IGDCC3: variants seen among roughly 807,000 people sequenced by gnomAD.
IGDCC3 encodes putative neuronal cell adhesion molecule.
In IGDCC3, 47 loss-of-function variants were observed where a neutral mutation model predicts 72.0. That is an observed-to-expected ratio of 0.65 (90% CI 0.52 to 0.83). The LOEUF (loss-of-function observed/expected upper bound fraction) is 0.83. Among genes scored for constraint, IGDCC3 ranks in the 40% least tolerant of loss-of-function variants. IGDCC3 has a pLI of 0.00. For synonymous variants in IGDCC3, 477 were observed against 472.8 expected (o/e 1.01, Z -0.11); for missense variants, 1,038 against 1,091.3 (o/e 0.95, Z 0.69).
intron 5 of IGDCC3, among the ~76,000 whole-genome samples, chr15:65,333,949 G>A (rs888600495): frequency 1.3e-5 from 2 of 151,994 alleles, no homozygotes; most frequent in African/African-American, 4.8e-5. Flanking sequence ...CTGATGGTGC[G>A]GCCACTCTTT....
At position 65,375,320 on chromosome 15, in the gene IGDCC3, G is replaced by T; in HGVS notation, c.186C>A (p.Asp62Glu). ...VAVPGQPIVL[D>E]CRVEGTPPVR... Reference sequence around the variant, plus strand: ...CTGGAGGGGTCCCCTCCACCCTGCAGTCCAGCACTATAGGCTGCCCGGGGA... The same window carrying T: ...CTGGAGGGGTCCCCTCCACCCTGCATTCCAGCACTATAGGCTGCCCGGGGA... Residue 62 changes from aspartate to glutamate, a missense_variant, in exon 2 of 14, where the codon GAC becomes GAA. Asp to Glu is a conservative substitution (Grantham distance 45). Transcript: ENST00000327987. 1 of 1,614,078 alleles carries T rather than the reference G, an allele frequency of 6.2e-7. No individual in the cohort carries two copies. The highest frequency in any genetic ancestry group is 1.7e-5 in the Admixed American group (1 of 60,020).
chr15:65,376,264 G>A (rs1366638678), intron 1 of IGDCC3, among the ~76,000 whole-genome samples: 2 of 152,232 alleles, frequency 1.3e-5, no homozygotes, highest in African/African-American at 4.8e-5. Context: ...AAATGAGCAG[G>A]AAAAGAAGGA....
Position 65,328,938 on chromosome 15 carries a change from C to A in IGDCC3, c.2416G>T (p.Val806Phe). Reference protein sequence around the residue: ...GQASRPAAARVTQPAHSEQ With the variant: ...GQASRPAAARFTQPAHSEQ Reference sequence around the variant, plus strand: ...TGTTCCGAGTGAGCTGGCTGGGTAACCCGGGCCGCTGCAGGCCTGGAAGCC... The same window carrying A: ...TGTTCCGAGTGAGCTGGCTGGGTAAACCGGGCCGCTGCAGGCCTGGAAGCC... The change falls in exon 14 of 14, where the codon GTT becomes TTT. Residue 806 changes from valine to phenylalanine, a missense_variant. Physicochemically the swap from Val to Phe is conservative, Grantham distance 50. Transcript: ENST00000327987. The A allele has an allele frequency of 1.3e-6, 2 of 1,560,690 alleles. No individual in the cohort carries two copies. The highest frequency in any genetic ancestry group is 2.4e-5 in the South Asian group (2 of 82,548).
chr15:65,351,533 CAA>C (rs59065889), intron 2 of IGDCC3, among the ~76,000 whole-genome samples: 23 of 106,184 alleles, frequency 2.2e-4, no homozygotes, highest in Admixed American at 2.9e-4. Flanking sequence ...GACTCCGTCT[CAA>C]AAAAAAAAAA....
At chr15:65,355,656 T>TGCCCCCCCCCCCCCC in intron 2 of IGDCC3, 1 of 211,730 alleles carries the variant, frequency 4.7e-6, no homozygotes, top group South Asian at 3.1e-5. Context: ...GACGCGGGCG[T>TGCCCCCCCCCCCCCC]CCCGCCCCCC....
chr15:65,361,760 A>G (rs1416893316), intron 2 of IGDCC3, among the ~76,000 whole-genome samples: 1 of 152,204 alleles, frequency 6.6e-6, no homozygotes, highest in African/African-American at 2.4e-5. Context: ...ACAGCCGAGC[A>G]ACCATGCAGC....
chr15:65,366,763 C>T lies in IGDCC3; in HGVS notation c.409+8334G>A, dbSNP rs115850657. Among the ~76,000 whole-genome samples the T allele has an allele frequency of 4.6e-3, 694 of 152,370 alleles. 4 individuals are homozygous for T. Among genetic ancestry groups the T allele is most frequent in the African/African-American group, 0.015 (630 of 41,600 alleles). On this transcript the variant is annotated intron_variant, in intron 2 of 13. Transcript: ENST00000327987. ...TCTGGGGGTCTGCCAGCAGCTCCCC[C>T]GGCTTGCCACTCTTCAGGCCTCTCT... is the stretch of plus-strand genomic sequence containing the variant.
chr15:65,370,300 G>C (rs1178046983), intron 2 of IGDCC3, among the ~76,000 whole-genome samples: 2 of 151,682 alleles, frequency 1.3e-5, no homozygotes, highest in African/African-American at 4.8e-5. Context: ...GATCACTTGA[G>C]GTCAGGAGTT....
rs753226282 is a variant in IGDCC3, at chr15:65,377,664, G to A, written c.103+22C>T. ...CCCCTGGCTCCGTCCGCAACCGCCC[G>A]GTCCGGGGCGCTTTCACTCACCCTC... is the stretch of plus-strand genomic sequence containing the variant. On this transcript the variant is annotated intron_variant, in intron 1 of 13. Transcript: ENST00000327987. The surrounding 1 kb of genome is among the most constrained non-coding windows in gnomAD (Gnocchi z 4.9). 7.0e-7 allele frequency: 1 copy of A among 1,436,756 alleles called. No individual in the cohort carries two copies. 89.0% of individuals were successfully genotyped at this position (1,436,756 alleles called of 1,614,324 possible).
At chr15:65,344,958 T>C (rs1370919492) in intron 2 of IGDCC3, among the ~76,000 whole-genome samples, 1 of 152,160 alleles carries the variant, frequency 6.6e-6, no homozygotes, top group African/African-American at 2.4e-5. Context: ...TCCTGCTCCA[T>C]GTGACCACCC....
chr15:65,337,218 G>A (rs539043733), intron 2 of IGDCC3, among the ~76,000 whole-genome samples: 9 of 152,322 alleles, frequency 5.9e-5, no homozygotes, highest in South Asian at 2.1e-4. Context: ...CCTTTGTGGC[G>A]TGTTCTCCAT....
intron 2 of IGDCC3, among the ~76,000 whole-genome samples, chr15:65,350,587 G>A (rs1353539025): frequency 2.6e-5 from 4 of 151,600 alleles, no homozygotes; most frequent in Admixed American, 2.0e-4. Flanking sequence ...TCAGCCTCCC[G>A]AGTAGCTGGG....
Position 65,329,915 on chromosome 15 carries a change from C to T in IGDCC3, c.1859-51G>A. ...TTTGGCTCTCCAGGTCTGAAGCACTCCCAAACACCCAGCCTCTGGGGACTC... is the reference window on the plus strand; with the variant it reads ...TTTGGCTCTCCAGGTCTGAAGCACTTCCAAACACCCAGCCTCTGGGGACTC... On this transcript the variant is annotated intron_variant, in intron 11 of 13. Transcript: ENST00000327987. This position sits in a 1 kb window ranked among gnomAD's most constrained non-coding sequence, Gnocchi z 4.1. 6.2e-7 allele frequency: 1 copy of T among 1,601,894 alleles called. No individual in the cohort carries two copies. Among genetic ancestry groups the T allele is most frequent in the African/African-American group, 1.3e-5 (1 of 74,828 alleles).
intron 2 of IGDCC3, among the ~76,000 whole-genome samples, chr15:65,363,138 G>A (rs970974799): frequency 2.0e-5 from 3 of 152,166 alleles, no homozygotes; most frequent in African/African-American, 7.2e-5. Context: ...GGGATTACAG[G>A]CGTGAGCCAC....
rs907342962 is a variant in IGDCC3 at position 65,339,782 on chromosome 15, G to C, written c.410-3826C>G. ...GGTATTGTGTCTGTGGCTGGTGCAC[G>C]TGACAGTGGTGCTGTGACTTTGGCT... On this transcript the variant is annotated intron_variant, in intron 2 of 13. Transcript: ENST00000327987. The surrounding 1 kb of genome is among the most constrained non-coding windows in gnomAD (Gnocchi z 4.1). 6.6e-6 allele frequency among the ~76,000 whole-genome samples: 1 copy of C among 152,244 alleles called. No individual in the cohort carries two copies. Among genetic ancestry groups the C allele is most frequent in the East Asian group, 1.9e-4 (1 of 5,206 alleles).
intron 2 of IGDCC3, among the ~76,000 whole-genome samples, chr15:65,365,174 C>T (rs1424216773): frequency 6.6e-6 from 1 of 152,046 alleles, no homozygotes; most frequent in Admixed American, 6.5e-5. Context: ...ACCAGGAGAC[C>T]GGGAAGACCC....
rs1177648688 is a variant in IGDCC3, at chr15:65,331,839, C to T, written c.1148+102G>A. 3 of 1,443,798 alleles carry T rather than the reference C, an allele frequency of 2.1e-6. No individual in the cohort carries two copies. The African/African-American group carries it at 4.2e-5, about 20-fold the overall frequency. 89.4% of individuals were successfully genotyped at this position (1,443,798 alleles called of 1,614,324 possible). A position where few individuals can be genotyped will look rare whatever the true frequency, so the allele number is the denominator to read the frequency against. ...ATCTCCAGACTCCCAATTCTGTGCTCTTCCCTGGCAGGAGGTGTACAGCCT... is the reference window on the plus strand; with the variant it reads ...ATCTCCAGACTCCCAATTCTGTGCTTTTCCCTGGCAGGAGGTGTACAGCCT... On this transcript the variant is annotated intron_variant, in intron 7 of 13. Transcript: ENST00000327987.
chr15:65,331,448 TCTC>T lies in IGDCC3; in HGVS notation c.1357_1359del (p.Glu453del). The T allele has an allele frequency of 6.2e-7, 1 of 1,611,838 alleles. No individual in the cohort carries two copies. The highest frequency in any genetic ancestry group is 8.5e-7 in the Non-Finnish European group (1 of 1,178,764). On this transcript the variant is annotated inframe_deletion, in exon 8 of 14. Coordinates refer to ENST00000327987, the MANE Select transcript of IGDCC3 (RefSeq NM_004884.4). ...CTGATGTGCAGGACGTAGCCGATGA[TCTC>T]CTTGGTGTTGGCCAGCGGCTCACTC...
In IGDCC3 at chr15:65,330,593, G is replaced by A. The variant is rs1161167471; in HGVS notation, c.1710C>T (p.Ile570=). Residue 570 remains isoleucine (I), a synonymous_variant, in exon 10 of 14, where the codon ATC becomes ATT. Transcript: ENST00000327987. The part of the protein sequence containing the change: ...PASKTSFTGP[I]LLPGTVSSYN... ...AGGAGGAGACGGTTCCAGGCAGCAG[G>A]ATGGGGCCGGTGAAGGAGGTCTTGC... 5.0e-6 allele frequency: 8 copies of A among 1,613,618 alleles called. No individual in the cohort carries two copies. In the East Asian group the frequency reaches 1.6e-4, roughly 31 times the overall value.
Sources: gnomAD v4.1 joint callset for allele counts (sites outside exome capture counted in the v4.1 genomes callset) on GRCh38, gnomAD v4.1.1 for gene constraint, Gnocchi (gnomAD v3.1) non-coding constraint, MANE v1.5 for transcripts, NCBI Gene and HGNC (gene_info 2026-07-23, HGNC 2026-07-21) for gene names.